KIF5B: variants seen among roughly 807,000 people sequenced by gnomAD.
KIF5B encodes the protein kinesin family member 5B, also known as kinesin-1 heavy chain.
In KIF5B, 49 loss-of-function variants were observed where a neutral mutation model predicts 132.8. The ratio of observed to expected loss-of-function variants is 0.37; its 90% confidence interval spans 0.29 to 0.47. KIF5B has a LOEUF of 0.47. KIF5B is among the 20% of genes least tolerant of loss of function. The pLI, the probability that KIF5B is intolerant of heterozygous loss-of-function variation, is 1.00. For synonymous variants in KIF5B, 355 were observed against 369.4 expected, an observed-to-expected ratio of 0.96 and a Z score of 0.45; for missense variants, 780 against 1,144.0, an observed-to-expected ratio of 0.68 and a Z score of 4.59.
chr10:32,040,851 G>C (rs1361080195), intron 2 of KIF5B, among the ~76,000 whole-genome samples: 1 of 151,906 alleles, frequency 6.6e-6, no homozygotes, highest in African/African-American at 2.4e-5. Flanking sequence ...AGCTGGGCTT[G>C]GTGGCGCGTG....
chr10:32,030,186 C>T (rs1251386), intron 14 of KIF5B, among the ~76,000 whole-genome samples: 72,135 of 151,974 alleles, frequency 0.47, 17,756 homozygotes, highest in East Asian at 0.61. Context: ...TGGAGGTTGG[C>T]GATGTCTGTC....
intron 25 of KIF5B, among the ~76,000 whole-genome samples, chr10:32,015,259 G>A (rs776043814): frequency 2.0e-5 from 3 of 151,930 alleles, no homozygotes; most frequent in Non-Finnish European, 4.4e-5. Context: ...ATAAACCATG[G>A]TACATCCATT....
At chr10:32,044,992 A>G (rs1841591109) in intron 2 of KIF5B, among the ~76,000 whole-genome samples, 1 of 152,242 alleles carries the variant, frequency 6.6e-6, no homozygotes, top group Non-Finnish European at 1.5e-5. Flanking sequence ...TTCAGGAAGC[A>G]AACGATTTCA....
At chr10:32,026,715 T>TA (rs1167420052) in intron 15 of KIF5B, among the ~76,000 whole-genome samples, 1 of 152,078 alleles carries the variant, frequency 6.6e-6, no homozygotes, top group Non-Finnish European at 1.5e-5. Flanking sequence ...TATTTGAACA[T>TA]AAAATATAAG....
rs1368670934 is a variant in KIF5B, at chr10:32,035,912, A to G, written c.794T>C (p.Ile265Thr). The G allele has an allele frequency of 6.2e-7, 1 of 1,612,266 alleles. No individual in the cohort carries two copies. The highest frequency in any genetic ancestry group is 1.3e-5 in the African/African-American group (1 of 74,828). ...NKSLSALGNV[I>T]SALAEGSTYV... is the part of the protein sequence containing the mutation. ...CACACTACCCTCAGCCAAAGCAGAA[A>G]TAACATTTCCAAGAGCAGAAAGTGA... Residue 265 changes from isoleucine to threonine, a missense_variant, in exon 9 of 26, where the codon ATT (isoleucine) becomes ACT (threonine). By Grantham distance (89) the Ile-to-Thr change is moderately conservative. This residue lies in a region of KIF5B where 15 missense variants were observed against 65.0 expected (regional missense o/e 0.23). Transcript: ENST00000302418.
chr10:32,048,464 C>A lies in KIF5B; in HGVS notation c.214G>T (p.Asp72Tyr). 6.2e-7 allele frequency: 1 copy of A among 1,601,386 alleles called. No homozygotes were observed. Among genetic ancestry groups the A allele is most frequent in the South Asian group, 1.1e-5 (1 of 89,454 alleles). ...YNDCAKKIVK[D>Y]VLEGYNGTIF... The stretch of plus-strand genomic sequence containing the variant: ...AACTCAGCAGGTTGAATATATTTAC[C>A]TTTAACAATCTTCTTTGCACAGTCA... Residue 72 changes from aspartate to tyrosine, a missense_variant and splice_region_variant, in exon 2 of 26, where the codon GAT becomes TAT. Transcript: ENST00000302418.
rs769232041 is a variant in KIF5B at position 32,031,269 on chromosome 10, G to C, written c.1385C>G (p.Ser462Cys). 1 of 1,613,362 alleles carries C rather than the reference G, an allele frequency of 6.2e-7. No individual in the cohort carries two copies. Residue 462 changes from serine to cysteine, a missense_variant, in exon 14 of 26, where the codon TCT (serine) becomes TGT (cysteine). Physicochemically the swap from Ser to Cys is moderately radical, Grantham distance 112. Transcript: ENST00000302418. ...CATATTGTCTTGATCCCTTCTGGTA[G>C]ATGCCAAAAGCTATAGGACAGAAAA... ...QMLDQEELLA[S>C]TRRDQDNMQA...
chr10:32,014,888 C>T (rs1172229227), intron 25 of KIF5B, among the ~76,000 whole-genome samples: 3 of 152,056 alleles, frequency 2.0e-5, no homozygotes, highest in African/African-American at 7.2e-5. Context: ...TTTGGGAGGC[C>T]GAGGCGGGCA....
rs1841441425 is a variant in KIF5B at position 32,034,616 on chromosome 10, T to C, written c.1111+74A>G. 3 of 1,147,826 alleles carry C rather than the reference T, an allele frequency of 2.6e-6. No individual in the cohort carries two copies. The East Asian group carries it at 8.3e-5, about 32-fold the overall frequency. 71.1% of individuals were successfully genotyped at this position (1,147,826 alleles called of 1,614,324 possible). On this transcript the variant is annotated intron_variant, in intron 11 of 25. Coordinates refer to ENST00000302418, the MANE Select transcript of KIF5B (RefSeq NM_004521.3). The stretch of plus-strand genomic sequence containing the variant: ...TGATCTAGTCACTTACTGATTTTGC[T>C]GAACTATTTCTACGTTTCTATGCTC...
chr10:32,045,602 A>AG (rs1449724688), intron 2 of KIF5B, among the ~76,000 whole-genome samples: 1 of 152,238 alleles, frequency 6.6e-6, no homozygotes, highest in Non-Finnish European at 1.5e-5. Context: ...AAGAGAACAA[A>AG]GGTAATAGAA....
rs1271656186 is a variant in KIF5B at position 32,056,134 on chromosome 10, G to T, written c.-161C>A. 2 of 768,030 alleles carry T rather than the reference G, an allele frequency of 2.6e-6. No homozygotes were observed. The highest frequency in any genetic ancestry group is 4.0e-6 in the Non-Finnish European group (2 of 500,212). The allele number at this position is 768,030 out of a possible 1,614,324, so 47.6% of individuals were successfully genotyped here. A position where few individuals can be genotyped will look rare whatever the true frequency, so the allele number is the denominator to read the frequency against. On this transcript the variant is annotated 5_prime_UTR_variant, in exon 1 of 26. Transcript: ENST00000302418. ...CGGGTGGAGGCGGCCGGGGAGCCGGGACTTGAAGAGCCGGCGCCGGCAGCC... is the reference window on the plus strand; with the variant it reads ...CGGGTGGAGGCGGCCGGGGAGCCGGTACTTGAAGAGCCGGCGCCGGCAGCC...
At chr10:32,030,558 CTG>C (rs1297317997) in intron 14 of KIF5B, among the ~76,000 whole-genome samples, 1 of 151,788 alleles carries the variant, frequency 6.6e-6, no homozygotes, top group Non-Finnish European at 1.5e-5. Context: ...AACCACTACA[CTG>C]TGCTAAAAAG....
At chr10:32,048,400 G>T in intron 2 of KIF5B, 64 bp downstream of exon 2, 1 of 1,083,252 alleles carries the variant, frequency 9.2e-7, no homozygotes, top group Non-Finnish European at 1.4e-6. Context: ...AGCTGAGTAA[G>T]TAGAAAAGAT....
chr10:32,035,775 A>C (rs898637541), intron 9 of KIF5B, 108 bp from the exon 10 acceptor site: 1 of 1,328,338 alleles, frequency 7.5e-7, no homozygotes, highest in African/African-American at 1.5e-5. Context: ...AAACACATTG[A>C]ATCTCAATCT....
Position 32,055,896 on chromosome 10 carries a change from G to A in KIF5B, c.78C>T (p.Gly26=), listed in dbSNP as rs1170188150. ...RPLNESEVNR[G]DKYIAKFQGE... ...CCTGAAACTTGGCGATGTACTTGTC[G>A]CCGCGGTTCACTTCAGACTCGTTGA... is the stretch of plus-strand genomic sequence containing the variant. The change falls in exon 1 of 26, where the codon GGC becomes GGT. Residue 26 remains glycine, a synonymous_variant. Coordinates refer to ENST00000302418, the MANE Select transcript of KIF5B (RefSeq NM_004521.3). 1.2e-6 allele frequency: 2 copies of A among 1,612,896 alleles called. No individual in the cohort carries two copies. Among genetic ancestry groups the A allele is most frequent in the East Asian group, 2.2e-5 (1 of 44,862 alleles).
At chr10:32,038,351 A>G (rs983541932) in intron 5 of KIF5B, 133 bp from the exon 6 acceptor site, 8 of 663,816 alleles carry the variant, frequency 1.2e-5, no homozygotes, top group African/African-American at 1.1e-4. Flanking sequence ...ACATTGCTCT[A>G]AAGCAGACCT....
chr10:32,035,300 A>T (rs897633983), intron 10 of KIF5B, among the ~76,000 whole-genome samples: 2 of 152,218 alleles, frequency 1.3e-5, no homozygotes, highest in African/African-American at 4.8e-5. Flanking sequence ...ACAGCTTGTC[A>T]CACAAATTTG....
At chr10:32,012,542 A>G (rs1841098061) in intron 25 of KIF5B, among the ~76,000 whole-genome samples, 2 of 152,254 alleles carry the variant, frequency 1.3e-5, no homozygotes, top group South Asian at 4.1e-4. Flanking sequence ...TTGAAAACTA[A>G]GAACCACTAT....
At chr10:32,031,368 GGA>G in intron 13 of KIF5B, 89 bp from the exon 14 acceptor site, 1 of 947,350 alleles carries the variant, frequency 1.1e-6, no homozygotes, top group Non-Finnish European at 1.6e-6. Context: ...AAGAACAAAT[GGA>G]GTGAAATATG....
Sources: gnomAD v4.1 joint callset for allele counts (sites outside exome capture counted in the v4.1 genomes callset) on GRCh38, gnomAD v4.1.1 for gene constraint, gnomAD v4.1.1 regional missense constraint, MANE v1.5 for transcripts, NCBI Gene and HGNC (gene_info 2026-07-23, HGNC 2026-07-21) for gene names.